The following KLHL29 variants were observed in gnomAD, a reference collection of about 807,000 sequenced individuals.
KLHL29 encodes the protein kelch-like protein 29.
Under a neutral mutation model 80.4 loss-of-function variants are expected in KLHL29, and 21 were observed. That is an observed-to-expected ratio of 0.26 (90% CI 0.19 to 0.38). The LOEUF (loss-of-function observed/expected upper bound fraction) is 0.38, where lower values mean the gene tolerates loss of function less well. Ranked by LOEUF, KLHL29 falls within the 10% of genes least tolerant of loss-of-function variation. The pLI is 1.00. For synonymous variants in KLHL29, 511 were observed against 526.8 expected, an observed-to-expected ratio of 0.97 and a Z score of 0.41; for missense variants, 867 against 1,223.9, an observed-to-expected ratio of 0.71 and a Z score of 4.35.
intron 1 of KLHL29, among the ~76,000 whole-genome samples, chr2:23,431,728 C>CT (rs1387141637): frequency 6.6e-6 from 1 of 151,976 alleles, no homozygotes; most frequent in African/African-American, 2.4e-5. Flanking sequence ...CCCGTCTCTA[C>CT]TAAAAGTACA....
intron 3 of KLHL29, among the ~76,000 whole-genome samples, chr2:23,612,801 C>T (rs1435728352): frequency 1.3e-5 from 2 of 152,048 alleles, no homozygotes; most frequent in African/African-American, 4.8e-5. Flanking sequence ...GTACATTTTT[C>T]AGGCAGATGA....
At chr2:23,543,457 G>T (rs190349584) in intron 2 of KLHL29, among the ~76,000 whole-genome samples, 1 of 152,122 alleles carries the variant, frequency 6.6e-6, no homozygotes, top group South Asian at 2.1e-4. Context: ...TAGGTAGGGG[G>T]ATATTGTTAT....
intron 1 of KLHL29, among the ~76,000 whole-genome samples, chr2:23,474,778 G>T (rs6721177): frequency 0.018 from 2,743 of 152,024 alleles, 51 homozygotes; most frequent in Middle Eastern, 0.045. Flanking sequence ...CTGCTACCCG[G>T]GACTCTGGAG....
chr2:23,507,376 T>C (rs1252561193), intron 2 of KLHL29: 1 of 163,812 alleles, frequency 6.1e-6, no homozygotes, highest in East Asian at 1.8e-4. Flanking sequence ...ACCCATTTCT[T>C]ATCTCCGCCT....
chr2:23,479,799 C>T (rs1442333760), intron 2 of KLHL29, among the ~76,000 whole-genome samples: 1 of 152,218 alleles, frequency 6.6e-6, no homozygotes, highest in African/African-American at 2.4e-5. Context: ...CCTTAGGCTG[C>T]TCACCTTCCT....
In KLHL29 at chr2:23,480,432, A is replaced by G. The variant is rs571618937; in HGVS notation, c.-46+4765A>G. Among the ~76,000 whole-genome samples, 17 of 152,234 alleles carry G rather than the reference A, an allele frequency of 1.1e-4. No homozygotes were observed. The South Asian group carries it at 1.2e-3, about 11-fold the overall frequency. ...AAAGTGGGAGGTGGAGGTTGCAGTG[A>G]GCTGAGATCGCACCACTGCACCACT... On this transcript the variant is annotated intron_variant, in intron 2 of 13. Transcript: ENST00000486442.
intron 2 of KLHL29, among the ~76,000 whole-genome samples, chr2:23,547,252 G>A (rs1004017292): frequency 3.9e-5 from 6 of 152,216 alleles, no homozygotes; most frequent in South Asian, 4.1e-4. Flanking sequence ...ACCAGAGAAG[G>A]GCGATGCTGC....
intron 1 of KLHL29, among the ~76,000 whole-genome samples, chr2:23,440,802 T>C (rs977131520): frequency 6.6e-6 from 1 of 152,148 alleles, no homozygotes; most frequent in Admixed American, 6.5e-5. Context: ...CCAGTTGGAA[T>C]GGCAATCATT....
intron 2 of KLHL29, among the ~76,000 whole-genome samples, chr2:23,496,660 G>A (rs887695034): frequency 1.3e-5 from 2 of 152,214 alleles, no homozygotes; most frequent in Admixed American, 6.5e-5. Context: ...TGCAAGAGGG[G>A]CCAGAGCTGC....
intron 11 of KLHL29, chr2:23,697,535 T>G (rs944854654): frequency 6.6e-6 from 1 of 152,324 alleles, no homozygotes; most frequent in Non-Finnish European, 1.5e-5. Flanking sequence ...ATGTTGCCTA[T>G]GAAGCCACAC....
chr2:23,573,774 G>A (rs1328019772), intron 3 of KLHL29, among the ~76,000 whole-genome samples: 1 of 152,192 alleles, frequency 6.6e-6, no homozygotes, highest in Non-Finnish European at 1.5e-5. Context: ...GGTACAGATA[G>A]CACTCCGGTG....
chr2:23,412,035 T>A (rs1156351357), intron 1 of KLHL29, among the ~76,000 whole-genome samples: 1 of 151,176 alleles, frequency 6.6e-6, no homozygotes, highest in Non-Finnish European at 1.5e-5. Context: ...GAAACAGATG[T>A]GTCAGAGGAA....
At chr2:23,639,801 G>T (rs755440335) in intron 4 of KLHL29, among the ~76,000 whole-genome samples, 3 of 152,016 alleles carry the variant, frequency 2.0e-5, no homozygotes, top group East Asian at 1.9e-4. Context: ...AGAACACCTC[G>T]ATTTGGCCCT....
intron 5 of KLHL29, among the ~76,000 whole-genome samples, chr2:23,666,717 G>C (rs1228806956): frequency 6.6e-6 from 1 of 152,254 alleles, no homozygotes; most frequent in Non-Finnish European, 1.5e-5. Context: ...ATGAAAGTGA[G>C]CTGTAGGGTG....
rs927138906 is a variant in KLHL29, at chr2:23,543,801, C to T, written c.-45-18351C>T. Among the ~76,000 whole-genome samples, 8 of 152,204 alleles carry T rather than the reference C, an allele frequency of 5.3e-5. No homozygotes were observed. The South Asian group carries it at 8.3e-4, about 16-fold the overall frequency. ...GGAGGAATTGCGTCGTGGATGTGTA[C>T]GCTCCTGGGGGAGAGCTGGCTGCTC... is the stretch of plus-strand genomic sequence containing the variant. On this transcript the variant is annotated intron_variant, in intron 2 of 13. Transcript: ENST00000486442.
chr2:23,444,155 A>G (rs781213366), intron 1 of KLHL29, among the ~76,000 whole-genome samples: 1 of 152,096 alleles, frequency 6.6e-6, no homozygotes, highest in Non-Finnish European at 1.5e-5. Context: ...TTTTAGTGGG[A>G]CTTACCTCTT....
At chr2:23,452,358 C>G (rs1663906949) in intron 1 of KLHL29, among the ~76,000 whole-genome samples, 1 of 151,956 alleles carries the variant, frequency 6.6e-6, no homozygotes, top group African/African-American at 2.4e-5. Context: ...AGTAAGAACT[C>G]ACTCATCACC....
At chr2:23,389,034 A>G (rs1327246739) in intron 1 of KLHL29, among the ~76,000 whole-genome samples, 1 of 109,486 alleles carries the variant, frequency 9.1e-6, no homozygotes, top group Non-Finnish European at 1.8e-5. Flanking sequence ...GTTATGGCTT[A>G]GGCATTCTTT....
chr2:23,589,387 G>C (rs976332804), intron 3 of KLHL29, among the ~76,000 whole-genome samples: 2 of 152,240 alleles, frequency 1.3e-5, no homozygotes, highest in Non-Finnish European at 2.9e-5. Context: ...GGGCGGCCTG[G>C]GTGTGTCCAG....
Sources: gnomAD v4.1 joint callset for allele counts (sites outside exome capture counted in the v4.1 genomes callset) on GRCh38, gnomAD v4.1.1 for gene constraint, MANE v1.5 for transcripts, NCBI Gene and HGNC (gene_info 2026-07-23, HGNC 2026-07-21) for gene names.